Variants in SH3RF3 observed in about 807,000 individuals in gnomAD.
SH3RF3 encodes E3 ubiquitin-protein ligase SH3RF3.
In SH3RF3, 29 loss-of-function variants were observed where a neutral mutation model predicts 66.3. That is an observed-to-expected ratio of 0.44 (90% CI 0.33 to 0.60). The LOEUF (loss-of-function observed/expected upper bound fraction) is 0.60. Among genes scored for constraint, SH3RF3 ranks in the 20% least tolerant of loss-of-function variants. The pLI is 0.04. For missense variants in SH3RF3, 1,194 were observed against 1,190.9 expected (o/e 1.00, Z -0.04); for synonymous variants, 583 against 532.0 (o/e 1.10, Z -1.32).
chr2:109,162,426 T>A (rs555664176), intron 1 of SH3RF3, among the ~76,000 whole-genome samples: 2 of 152,336 alleles, frequency 1.3e-5, no homozygotes, highest in South Asian at 2.1e-4. Context: ...TAATTTTTTT[T>A]ATTATACTTT....
chr2:109,399,396 C>T (rs903253607), intron 4 of SH3RF3, among the ~76,000 whole-genome samples: 8 of 152,006 alleles, frequency 5.3e-5, no homozygotes, highest in Non-Finnish European at 1.0e-4. Flanking sequence ...TGAGTACTTT[C>T]GTTACTGTTG....
chr2:109,146,966 A>G (rs1230878161), intron 1 of SH3RF3, among the ~76,000 whole-genome samples: 1 of 136,782 alleles, frequency 7.3e-6, no homozygotes, highest in Non-Finnish European at 1.5e-5. Context: ...AACTGTTCCC[A>G]TCTTTCCTCC....
At chr2:109,342,623 G>A (rs971311174) in intron 1 of SH3RF3, among the ~76,000 whole-genome samples, 1 of 152,162 alleles carries the variant, frequency 6.6e-6, no homozygotes, top group Non-Finnish European at 1.5e-5. Flanking sequence ...GTGCCCTCCC[G>A]ACGCTGCAGG....
At chr2:109,416,240 T>C (rs539587995) in intron 4 of SH3RF3, among the ~76,000 whole-genome samples, 3 of 152,142 alleles carry the variant, frequency 2.0e-5, no homozygotes, top group Non-Finnish European at 4.4e-5. Context: ...CCAGCCCAGG[T>C]TGGGTACCTG....
rs56112018 is a variant in SH3RF3 at position 109,238,449 on chromosome 2, TTGTGTGTGTGTGTGTG to T, written c.573+108371_573+108386del. On this transcript the variant is annotated intron_variant, in intron 1 of 9. Coordinates refer to ENST00000309415, the MANE Select transcript of SH3RF3 (RefSeq NM_001099289.3). ...TACATTTCTTGTTTGTTATGTATAT[TTGTGTGTGTGTGTGTG>T]TGTGTGTGTGTGTGTGTGTGTGTGT... 2.6e-3 allele frequency among the ~76,000 whole-genome samples: 378 copies of T among 142,708 alleles called. 1 individual carries two copies. Among genetic ancestry groups the T allele is most frequent in the African/African-American group, 7.9e-3 (307 of 39,028 alleles). 93.6% of individuals were successfully genotyped at this position (142,708 alleles called of 152,430 possible).
At chr2:109,440,604 A>G (rs1013275662) in intron 7 of SH3RF3, among the ~76,000 whole-genome samples, 4 of 152,218 alleles carry the variant, frequency 2.6e-5, no homozygotes, top group Non-Finnish European at 4.4e-5. Context: ...AGTATATAAA[A>G]CAACAGTTTT....
chr2:109,213,013 G>A (rs574791500), intron 1 of SH3RF3, among the ~76,000 whole-genome samples: 66 of 152,206 alleles, frequency 4.3e-4, no homozygotes, highest in Non-Finnish European at 6.3e-4. Flanking sequence ...TGCAGGTGTC[G>A]GCAGCAGGGT....
intron 1 of SH3RF3, among the ~76,000 whole-genome samples, chr2:109,224,130 T>C (rs1679316484): frequency 1.3e-5 from 2 of 152,188 alleles, no homozygotes; most frequent in African/African-American, 2.4e-5. Context: ...TGAGGCCTGG[T>C]CTCCCACTTC....
chr2:109,471,514 G>A (rs1001751256), intron 8 of SH3RF3, among the ~76,000 whole-genome samples: 2 of 152,120 alleles, frequency 1.3e-5, no homozygotes, highest in African/African-American at 4.8e-5. Context: ...TTTGACACAT[G>A]GGGATTACAA....
chr2:109,379,929 C>G (rs1356899097), intron 3 of SH3RF3, among the ~76,000 whole-genome samples: 2 of 152,182 alleles, frequency 1.3e-5, no homozygotes, highest in Non-Finnish European at 2.9e-5. Context: ...ATTCTTAGAC[C>G]TATCAGGGAG....
chr2:109,332,728 C>T (rs1349124009), intron 1 of SH3RF3, among the ~76,000 whole-genome samples: 1 of 152,176 alleles, frequency 6.6e-6, no homozygotes, highest in African/African-American at 2.4e-5. Flanking sequence ...AGAACATATC[C>T]AGGAGCAGCC....
chr2:109,177,497 G>A (rs1464262996), intron 1 of SH3RF3, among the ~76,000 whole-genome samples: 2 of 152,088 alleles, frequency 1.3e-5, no homozygotes, highest in African/African-American at 2.4e-5. Flanking sequence ...CCTTGGAACT[G>A]TGTGTGAAGC....
chr2:109,375,931 G>T (rs1250974206), intron 3 of SH3RF3, among the ~76,000 whole-genome samples: 1 of 152,234 alleles, frequency 6.6e-6, no homozygotes, highest in Non-Finnish European at 1.5e-5. Context: ...TACATCACCT[G>T]CACATTGGGG....
chr2:109,333,632 G>T (rs1682338539), intron 1 of SH3RF3, among the ~76,000 whole-genome samples: 1 of 152,188 alleles, frequency 6.6e-6, no homozygotes, highest in Non-Finnish European at 1.5e-5. Context: ...CTGATGGCCT[G>T]CAAAGCCACC....
intron 1 of SH3RF3, among the ~76,000 whole-genome samples, chr2:109,227,752 C>T (rs969101392): frequency 3.3e-5 from 5 of 152,244 alleles, no homozygotes; most frequent in Admixed American, 2.0e-4. Flanking sequence ...TCGGGTCCAA[C>T]GCAAGTTCTT....
Position 109,415,292 on chromosome 2 carries a change from A to G in SH3RF3, c.1300-4247A>G, listed in dbSNP as rs1676692520. Among the ~76,000 whole-genome samples, 4 of 152,334 alleles carry G rather than the reference A, an allele frequency of 2.6e-5. No homozygotes were observed. The South Asian group carries it at 8.3e-4, about 32-fold the overall frequency. The stretch of plus-strand genomic sequence containing the variant: ...TCAGCAGCTGTGAGGAACTAACACC[A>G]CGGTGTGGTGGCTAAGCACGTGGCC... On this transcript the variant is annotated intron_variant, in intron 4 of 9. Coordinates refer to ENST00000309415, the MANE Select transcript of SH3RF3 (RefSeq NM_001099289.3).
chr2:109,481,153 A>G (rs1057412947), intron 8 of SH3RF3, among the ~76,000 whole-genome samples: 1 of 152,210 alleles, frequency 6.6e-6, no homozygotes, highest in Non-Finnish European at 1.5e-5. Context: ...CAAGAAATCC[A>G]TGAGAGGGGA....
Position 109,457,974 on chromosome 2 carries a change from G to A in SH3RF3, c.2148+8485G>A, listed in dbSNP as rs117570567. On this transcript the variant is annotated intron_variant, in intron 8 of 9. Transcript: ENST00000309415. ...TGGTCCCATAACTGAGGGAAATGTC[G>A]AGAAAGAACAGAGAGTGCTGGGTTC... 4.2e-4 allele frequency among the ~76,000 whole-genome samples: 64 copies of A among 152,290 alleles called. No individual in the cohort carries two copies. In the East Asian group the frequency reaches 0.011, roughly 27 times the overall value.
chr2:109,147,851 A>G (rs192990568), intron 1 of SH3RF3, among the ~76,000 whole-genome samples: 3 of 152,364 alleles, frequency 2.0e-5, no homozygotes, highest in Non-Finnish European at 2.9e-5. Context: ...ATGCATATGC[A>G]TTTCCATATA....
Sources: allele counts gnomAD v4.1 joint callset (sites outside exome capture counted in the v4.1 genomes callset), GRCh38; gene constraint gnomAD v4.1.1; transcripts MANE v1.5; gene names NCBI Gene and HGNC (gene_info 2026-07-23, HGNC 2026-07-21).